TSEN54: variants seen among roughly 807,000 people sequenced by gnomAD.
The protein encoded by TSEN54 is tRNA-splicing endonuclease subunit Sen54.
In TSEN54, 55 loss-of-function variants were observed where a neutral mutation model predicts 61.9. The ratio of observed to expected loss-of-function variants is 0.89; its 90% CI spans 0.72 to 1.11. The LOEUF (loss-of-function observed/expected upper bound fraction) is 1.11, where lower values mean the gene tolerates loss of function less well. Ranked by LOEUF, TSEN54 falls within the 50% of genes most tolerant of loss-of-function variation. The probability of loss-of-function intolerance (pLI) is 0.00; values close to 1 mark genes in which losing one functional copy is unlikely to be tolerated. For missense variants in TSEN54, 760 were observed against 687.7 expected (o/e 1.11, Z -1.18); for synonymous variants, 304 against 288.7 (o/e 1.05, Z -0.54).
Position 75,522,183 on chromosome 17 carries a change from G to A in TSEN54, c.1102G>A (p.Ala368Thr), listed in dbSNP as rs779924827. ...EAAQFQEDVNADPEVQRCSSW... is the reference protein window; with the variant it reads ...EAAQFQEDVNTDPEVQRCSSW... ...CGCGCAGTTCCAGGAAGATGTCAAC[G>A]CCGATCCCGAGGTGCAGCGGTGCTC... The change falls in exon 8 of 11, where the codon GCC becomes ACC. Residue 368 changes from alanine (A) to threonine (T), a missense_variant. Physicochemically the swap from Ala to Thr is moderately conservative, Grantham distance 58. Transcript: ENST00000333213. 50 of 1,549,494 alleles carry A rather than the reference G, an allele frequency of 3.2e-5. No homozygotes were observed. In the East Asian group the frequency reaches 6.1e-4, roughly 19 times the overall value.
At position 75,522,139 on chromosome 17, in the gene TSEN54, G is replaced by T. The variant is rs748340945; in HGVS notation, c.1058G>T (p.Arg353Leu). The T allele has an allele frequency of 4.5e-6, 7 of 1,564,522 alleles. No homozygotes were observed. The highest frequency in any genetic ancestry group is 6.1e-6 in the Non-Finnish European group (7 of 1,153,490). ...AAGGAGAAGCTCTCCAGGCGGGAAC[G>T]GGAGCACCACGCGGAGGCCGCGCAG... ...QRKEKLSRRE[R>L]EHHAEAAQFQ... is the part of the protein sequence containing the mutation. The change falls in exon 8 of 11, where the codon CGG becomes CTG. Residue 353 changes from arginine to leucine, a missense_variant. By Grantham distance (102) the Arg-to-Leu change is moderately radical. Coordinates refer to ENST00000333213, the MANE Select transcript of TSEN54 (RefSeq NM_207346.3).
intron 8 of TSEN54, 199 bp downstream of exon 8, chr17:75,522,532 A>G (rs529467312): frequency 6.9e-7 from 1 of 1,451,154 alleles, no homozygotes; most frequent in East Asian, 2.5e-5. Flanking sequence ...GTGAGTCAGG[A>G]GAGGTAAGGA....
rs530717691 is a variant in TSEN54 at position 75,517,544 on chromosome 17, G to T, written c.370-13G>T. On this transcript the variant is annotated splice_polypyrimidine_tract_variant and intron_variant, in intron 4 of 10. Coordinates refer to ENST00000333213, the MANE Select transcript of TSEN54 (RefSeq NM_207346.3). Reference sequence around the variant, plus strand: ...TGAGGGCTCATAAGCTGAGCTGTTGGCCCCACTTCCAGGGCTCCATCCACC... The same window carrying T: ...TGAGGGCTCATAAGCTGAGCTGTTGTCCCCACTTCCAGGGCTCCATCCACC... 6.2e-7 allele frequency: 1 copy of T among 1,611,486 alleles called. No individual in the cohort carries two copies. Among genetic ancestry groups the T allele is most frequent in the East Asian group, 2.2e-5 (1 of 44,862 alleles).
At chr17:75,520,018 A>G (rs2053411064) in intron 6 of TSEN54, among the ~76,000 whole-genome samples, 1 of 152,228 alleles carries the variant, frequency 6.6e-6, no homozygotes, top group Admixed American at 6.5e-5. Context: ...CAGAAGAGCA[A>G]AATCACTGCC....
rs776322565 is a variant in TSEN54, at chr17:75,522,214, G to A, written c.1133G>A (p.Trp378Ter). ...CCCGAGGTGCAGCGGTGCTCCAGCT[G>A]GCGGGAGTACAAGGAGCTGCTGCAG... The part of the protein sequence containing the change: ...ADPEVQRCSS[W>*]REYKELLQRR... Residue 378 changes from tryptophan to a stop codon, truncating the protein, a stop_gained, in exon 8 of 11, where the codon TGG (tryptophan) becomes TAG (stop). Transcript: ENST00000333213. LOFTEE classifies it high-confidence loss of function. The A allele has an allele frequency of 1.3e-6, 2 of 1,548,044 alleles. No individual in the cohort carries two copies. The highest frequency in any genetic ancestry group is 2.4e-5 in the South Asian group (2 of 84,032).
chr17:75,517,710 T>C (rs2053389075), intron 5 of TSEN54, 55 bp downstream of exon 5: 3 of 1,450,784 alleles, frequency 2.1e-6, no homozygotes, highest in East Asian at 2.3e-5. Context: ...TCAATGAGTA[T>C]TGACAAGTAC....
At position 75,520,618 on chromosome 17, in the gene TSEN54, C is replaced by T. The variant is rs543518114; in HGVS notation, c.522-791C>T. ...AAAGCAAACTTAAATAGCCACCTGT[C>T]GCTAGTGGCTCTTTTTTGAACAGCA... On this transcript the variant is annotated intron_variant, in intron 6 of 10. Coordinates refer to ENST00000333213, the MANE Select transcript of TSEN54 (RefSeq NM_207346.3). Among the ~76,000 whole-genome samples the T allele has an allele frequency of 6.9e-5, 10 of 145,896 alleles. No homozygotes were observed. In the South Asian group the frequency reaches 1.7e-3, roughly 25 times the overall value.
In TSEN54 at chr17:75,517,563, A is replaced by G. The variant is rs1396441648; in HGVS notation, c.376A>G (p.Ile126Val). Residue 126 changes from isoleucine (I) to valine (V), a missense_variant, in exon 5 of 11, where the codon ATC (isoleucine) becomes GTC (valine). By Grantham distance (29) the Ile-to-Val change is conservative (BLOSUM62 3). This residue lies in a region of TSEN54 where 667 missense variants were observed against 577.8 expected (regional missense o/e 1.15). Transcript: ENST00000333213. ...CTGTTGGCCCCACTTCCAGGGCTCC[A>G]TCCACCTCTTCCACCAAGACCTGCC... ...EALYLLECGS[I>V]HLFHQDLPLS... 3 of 1,613,576 alleles carry G rather than the reference A, an allele frequency of 1.9e-6. No homozygotes were observed. Among genetic ancestry groups the G allele is most frequent in the Non-Finnish European group, 2.5e-6 (3 of 1,179,972 alleles).
intron 1 of TSEN54, 51 bp downstream of exon 1, chr17:75,516,667 G>A: frequency 3.1e-6 from 4 of 1,286,270 alleles, no homozygotes; most frequent in Non-Finnish European, 3.9e-6. Context: ...GGCCAGCGCG[G>A]GTAGGGAAAC....
rs141743615 is a variant in TSEN54, at chr17:75,523,738, G to C, written c.1389G>C (p.Lys463Asn). The change falls in exon 10 of 11, where the codon AAG (lysine) becomes AAC (asparagine). Residue 463 changes from lysine (K) to asparagine (N), a missense_variant. Physicochemically the swap from Lys to Asn is moderately conservative, Grantham distance 94 (BLOSUM62 0). This residue lies in a region of TSEN54 where 83 missense variants were observed against 82.9 expected (regional missense o/e 1.00). Coordinates refer to ENST00000333213, the MANE Select transcript of TSEN54 (RefSeq NM_207346.3). ...CCGACGCTGTGGCCACATTCCGAAA[G>C]AATAACCCTGGCAAACCCTATGCCC... Reference protein sequence around the residue: ...YQADAVATFRKNNPGKPYARM... With the variant: ...YQADAVATFRNNNPGKPYARM... 8 of 1,614,022 alleles carry C rather than the reference G, an allele frequency of 5.0e-6. No individual in the cohort carries two copies. The highest frequency in any genetic ancestry group is 6.8e-6 in the Non-Finnish European group (8 of 1,180,020).
chr17:75,524,534 C>T lies in TSEN54; in HGVS notation c.*122C>T. 1 of 1,290,742 alleles carries T rather than the reference C, an allele frequency of 7.7e-7. No individual in the cohort carries two copies. The highest frequency in any genetic ancestry group is 1.2e-5 in the South Asian group (1 of 83,572). The allele number at this position is 1,290,742 out of a possible 1,614,324, so 80.0% of individuals were successfully genotyped here. Reference sequence around the variant, plus strand: ...CTGTAGCTTCAGAGGCCAGTCTGGGCCTTGGCCCTGGGTGTCTGATACTCA... The same window carrying T: ...CTGTAGCTTCAGAGGCCAGTCTGGGTCTTGGCCCTGGGTGTCTGATACTCA... On this transcript the variant is annotated 3_prime_UTR_variant, in exon 11 of 11. Coordinates refer to ENST00000333213, the MANE Select transcript of TSEN54 (RefSeq NM_207346.3).
chr17:75,524,401 G>T lies in TSEN54; in HGVS notation c.1570G>T (p.Val524Leu). Residue 524 changes from valine to leucine, a missense_variant, in exon 11 of 11, where the codon GTG (valine) becomes TTG (leucine). By Grantham distance (32) the Val-to-Leu change is conservative (BLOSUM62 1). This residue lies in a region of TSEN54 where 83 missense variants were observed against 82.9 expected (regional missense o/e 1.00). Transcript: ENST00000333213. ...SFRDFTLPQD[V>L]GH is the part of the protein sequence containing the mutation. Reference sequence around the variant, plus strand: ...CAGGGACTTCACGTTGCCCCAGGATGTGGGGCACTGACCTCACAGCTCTGC... The same window carrying T: ...CAGGGACTTCACGTTGCCCCAGGATTTGGGGCACTGACCTCACAGCTCTGC... The T allele has an allele frequency of 1.2e-6, 2 of 1,614,144 alleles. No individual in the cohort carries two copies. The highest frequency in any genetic ancestry group is 1.7e-6 in the Non-Finnish European group (2 of 1,180,028).
chr17:75,523,224 C>CT, intron 8 of TSEN54, 51 bp from the exon 9 acceptor site: 1 of 1,613,430 alleles, frequency 6.2e-7, no homozygotes, highest in South Asian at 1.1e-5. Context: ...AGATGGCAGA[C>CT]TGAGAAATGT....
chr17:75,523,791 GCCAGCACTGCC>G lies in TSEN54; in HGVS notation c.1430+15_1430+25del, dbSNP rs748939656. On this transcript the variant is annotated intron_variant, in intron 10 of 10. Coordinates refer to ENST00000333213, the MANE Select transcript of TSEN54 (RefSeq NM_207346.3). ...ATGTGCATTAGTGGGTACGCAGTGA[GCCAGCACTGCC>G]CCTCCCCCAGCTGCTGCCAGTTCTC... 3 of 1,612,222 alleles carry G rather than the reference GCCAGCACTGCC, an allele frequency of 1.9e-6. No individual in the cohort carries two copies. In the East Asian group the frequency reaches 6.7e-5, roughly 36 times the overall value.
chr17:75,523,225 T>G, intron 8 of TSEN54, 50 bp from the exon 9 acceptor site: 4 of 1,613,762 alleles, frequency 2.5e-6, no homozygotes, highest in Non-Finnish European at 3.4e-6. Flanking sequence ...GATGGCAGAC[T>G]GAGAAATGTG....
intron 7 of TSEN54, 48 bp from the exon 8 acceptor site, chr17:75,521,657 C>T (rs1042350951): frequency 1.1e-5 from 18 of 1,603,890 alleles, no homozygotes; most frequent in Non-Finnish European, 1.5e-5. Context: ...GACGTGTGCA[C>T]CTTAGCAACC....
chr17:75,522,125 C>T lies in TSEN54; in HGVS notation c.1044C>T (p.Leu348=). The part of the protein sequence containing the change: ...CQKLNQRKEK[L]SRREREHHAE... ...AGCTGAACCAGCGCAAGGAGAAGCT[C>T]TCCAGGCGGGAACGGGAGCACCACG... The change falls in exon 8 of 11, where the codon CTC becomes CTT. Residue 348 remains leucine, a synonymous_variant. Coordinates refer to ENST00000333213, the MANE Select transcript of TSEN54 (RefSeq NM_207346.3). The T allele has an allele frequency of 6.4e-7, 1 of 1,570,084 alleles. No homozygotes were observed. Among genetic ancestry groups the T allele is most frequent in the Non-Finnish European group, 8.6e-7 (1 of 1,156,610 alleles).
At chr17:75,523,614 A>G (rs1350041144) in intron 9 of TSEN54, 49 bp from the exon 10 acceptor site, 1 of 1,613,964 alleles carries the variant, frequency 6.2e-7, no homozygotes, top group African/African-American at 1.3e-5. Context: ...TGGAAAAGAA[A>G]GGTTGGGGAG....
rs2053459257 is a variant in TSEN54 at position 75,523,728 on chromosome 17, C to T, written c.1379C>T (p.Thr460Ile). Reference protein sequence around the residue: ...FDVYQADAVATFRKNNPGKPY... With the variant: ...FDVYQADAVAIFRKNNPGKPY... ...GTTTACCAGGCCGACGCTGTGGCCA[C>T]ATTCCGAAAGAATAACCCTGGCAAA... Residue 460 changes from threonine to isoleucine, a missense_variant, in exon 10 of 11, where the codon ACA (threonine) becomes ATA (isoleucine). This residue lies in a region of TSEN54 where 10 missense variants were observed against 27.0 expected (regional missense o/e 0.37). Coordinates refer to ENST00000333213, the MANE Select transcript of TSEN54 (RefSeq NM_207346.3). 1 of 1,614,040 alleles carries T rather than the reference C, an allele frequency of 6.2e-7. No homozygotes were observed. Among genetic ancestry groups the T allele is most frequent in the African/African-American group, 1.3e-5 (1 of 74,922 alleles).
Sources: allele counts gnomAD v4.1 joint callset (sites outside exome capture counted in the v4.1 genomes callset), GRCh38; gene constraint gnomAD v4.1.1; regional missense constraint gnomAD v4.1.1; transcripts MANE v1.5; gene names NCBI Gene and HGNC (gene_info 2026-07-23, HGNC 2026-07-21).